Variants in MZF1 observed in about 807,000 individuals in gnomAD.
MZF1 encodes zinc finger and SCAN domain-containing protein 6.
MZF1 carries 24 observed loss-of-function variants against 28.6 expected under a neutral mutation model. The ratio of observed to expected loss-of-function variants is 0.84; its 90% confidence interval spans 0.61 to 1.18. The LOEUF (loss-of-function observed/expected upper bound fraction) is 1.18. MZF1 is among the 50% of genes most tolerant of loss of function. The pLI is 0.00. For synonymous variants in MZF1, 516 were observed against 432.5 expected (o/e 1.19, Z -2.40); for missense variants, 1,166 against 1,026.4 (o/e 1.14, Z -1.86).
At chr19:58,566,058 G>C (rs1468768917) in intron 5 of MZF1, among the ~76,000 whole-genome samples, 1 of 148,558 alleles carries the variant, frequency 6.7e-6, no homozygotes. Flanking sequence ...GGAGAATGTC[G>C]TGAACCCGGG....
intron 5 of MZF1, among the ~76,000 whole-genome samples, chr19:58,565,483 C>A (rs1309832585): frequency 6.6e-6 from 1 of 151,816 alleles, no homozygotes; most frequent in Non-Finnish European, 1.5e-5. Flanking sequence ...ACCCGCCTCG[C>A]CTTCCCAAAG....
intron 5 of MZF1, 63 bp downstream of exon 5, chr19:58,569,214 G>T: frequency 6.6e-7 from 1 of 1,510,648 alleles, no homozygotes. Flanking sequence ...CCAGGAGTGG[G>T]GTCGGCAGAG....
intron 5 of MZF1, among the ~76,000 whole-genome samples, chr19:58,565,887 T>C (rs2054044754): frequency 7.1e-6 from 1 of 141,238 alleles, no homozygotes; most frequent in Admixed American, 7.0e-5. Flanking sequence ...ACGCCTGTAA[T>C]CCCAGCACTT....
intron 5 of MZF1, chr19:58,568,060 GA>G (rs2054090139): frequency 6.6e-6 from 1 of 152,076 alleles, no homozygotes; most frequent in African/African-American, 2.4e-5. Context: ...AACATAGTGA[GA>G]ACCTGTTTCT....
chr19:58,569,081 TG>T lies in MZF1; in HGVS notation c.772+195del, dbSNP rs796418753. On this transcript the variant is annotated intron_variant, in intron 5 of 5. Transcript: ENST00000215057. ...GAAAGTAGAGGGGCTGTGGGATCAG[TG>T]GTAGTGGTGGGTGGCTTTTTTTGAG... The T allele has an allele frequency of 9.2e-5, 54 of 588,526 alleles. 1 individual carries two copies. The South Asian group carries it at 1.3e-3, about 14-fold the overall frequency. The allele number at this position is 588,526 out of a possible 1,614,324, so 36.5% of individuals were successfully genotyped here.
In MZF1 at chr19:58,563,193, C is replaced by T; in HGVS notation, c.1084G>A (p.Gly362Ser). Residue 362 changes from glycine (G) to serine (S), a missense_variant, in exon 6 of 6, where the codon GGC becomes AGC. Transcript: ENST00000215057. ...VVRGGRCDVCGKVFSQRSNLL... is the reference protein window; with the variant it reads ...VVRGGRCDVCSKVFSQRSNLL... ...TTGCTGCGTTGGCTGAACACCTTGC[C>T]ACATACATCGCAACGGCCGCCCCTA... 1 of 1,611,380 alleles carries T rather than the reference C, an allele frequency of 6.2e-7. No homozygotes were observed. Among genetic ancestry groups the T allele is most frequent in the Non-Finnish European group, 8.5e-7 (1 of 1,179,664 alleles).
chr19:58,562,610 A>G lies in MZF1; in HGVS notation c.1667T>C (p.Leu556Pro). The G allele has an allele frequency of 6.3e-7, 1 of 1,577,144 alleles. No individual in the cohort carries two copies. Among genetic ancestry groups the G allele is most frequent in the Non-Finnish European group, 8.6e-7 (1 of 1,166,160 alleles). Residue 556 changes from leucine (L) to proline (P), a missense_variant, in exon 6 of 6, where the codon CTG becomes CCG. Coordinates refer to ENST00000215057, the MANE Select transcript of MZF1 (RefSeq NM_198055.2). ...CGQSFRQRSN[L>P]TQHRRIHTGE... ...GGTGTGGATGCGCCGGTGCTGCGTC[A>G]GGTTGGAGCGCTGCCGGAAGCTCTG...
intron 5 of MZF1, chr19:58,564,233 G>GA (rs1456899130): frequency 6.6e-6 from 1 of 152,090 alleles, no homozygotes; most frequent in Non-Finnish European, 1.5e-5. Context: ...AGTGGTGAGA[G>GA]AAAGTCCATA....
chr19:58,570,946 G>T, intron 2 of MZF1, 48 bp downstream of exon 2: 1 of 1,543,596 alleles, frequency 6.5e-7, no homozygotes, highest in Non-Finnish European at 8.8e-7. Flanking sequence ...GTGAGGCCGA[G>T]CTGGATGATG....
In MZF1 at chr19:58,562,929, G is replaced by A. The variant is rs767750607; in HGVS notation, c.1348C>T (p.Arg450Trp). Reference protein sequence around the residue: ...FRCAECGQSFRQRSNLLQHQR... With the variant: ...FRCAECGQSFWQRSNLLQHQR... The stretch of plus-strand genomic sequence containing the variant: ...TGCTGCAGCAGATTGGAGCGCTGCC[G>A]GAAGCTCTGGCCGCACTCAGCGCAA... The change falls in exon 6 of 6, where the codon CGG becomes TGG. Residue 450 changes from arginine (R) to tryptophan (W), a missense_variant. Transcript: ENST00000215057. The A allele has an allele frequency of 6.3e-7, 1 of 1,595,402 alleles. No individual in the cohort carries two copies. Among genetic ancestry groups the A allele is most frequent in the Non-Finnish European group, 8.5e-7 (1 of 1,175,936 alleles).
At chr19:58,565,258 C>A (rs540059179) in intron 5 of MZF1, among the ~76,000 whole-genome samples, 2 of 151,954 alleles carry the variant, frequency 1.3e-5, no homozygotes, top group African/African-American at 4.8e-5. Flanking sequence ...CCACACCCGG[C>A]TAATTTTGTA....
rs769790609 is a variant in MZF1 at position 58,562,762 on chromosome 19, C to T, written c.1515G>A (p.Ala505=). 6.5e-6 allele frequency: 10 copies of T among 1,535,438 alleles called. No homozygotes were observed. The highest frequency in any genetic ancestry group is 4.7e-5 in the South Asian group (4 of 84,362). The change falls in exon 6 of 6, where the codon GCG becomes GCA. Residue 505 remains alanine, a synonymous_variant. Coordinates refer to ENST00000215057, the MANE Select transcript of MZF1 (RefSeq NM_198055.2). The part of the protein sequence containing the change: ...ARRAVLLEHQ[A]VHTGDKSFGC... ...CAAAGGACTTGTCGCCCGTGTGTACCGCCTGGTGCTCCAGCAGCACGGCGC... is the reference window on the plus strand; with the variant it reads ...CAAAGGACTTGTCGCCCGTGTGTACTGCCTGGTGCTCCAGCAGCACGGCGC...
intron 3 of MZF1, chr19:58,570,138 A>G (rs2054130823): frequency 3.7e-5 from 20 of 545,780 alleles, no homozygotes; most frequent in Non-Finnish European, 3.2e-6. Context: ...GGGCTGTGGC[A>G]GTCAGGCTTG....
At chr19:58,567,770 C>T (rs2054085107) in intron 5 of MZF1, among the ~76,000 whole-genome samples, 1 of 152,188 alleles carries the variant, frequency 6.6e-6, no homozygotes, top group Non-Finnish European at 1.5e-5. Context: ...TGTGGTGCCC[C>T]TCTCTTGCAT....
intron 5 of MZF1, among the ~76,000 whole-genome samples, chr19:58,566,698 G>C (rs560490608): frequency 2.6e-5 from 4 of 152,046 alleles, no homozygotes; most frequent in South Asian, 2.1e-4. Flanking sequence ...TCTGAGCCAG[G>C]TGTGGTGACT....
intron 5 of MZF1, among the ~76,000 whole-genome samples, chr19:58,567,049 C>T (rs376564113): frequency 6.6e-6 from 1 of 152,050 alleles, no homozygotes; most frequent in Admixed American, 6.6e-5. Flanking sequence ...ACTACAAGTA[C>T]GTGCCACCAT....
chr19:58,564,900 G>GTTTTTTTTTTTTTTTTTTTTTTTTTT (rs1253286923), intron 5 of MZF1, among the ~76,000 whole-genome samples: 2 of 69,354 alleles, frequency 2.9e-5, no homozygotes, highest in African/African-American at 1.4e-4. Flanking sequence ...ATCCATGTGT[G>GTTTTTTTTTTTTTTTTTTTTTTTTTT]TGTTTTTTTT....
In MZF1 at chr19:58,569,559, G is replaced by C; in HGVS notation, c.608C>G (p.Ala203Gly). ...GAGGGTGGGTACAGACTCCTGGGTG[G>C]CAGCTAGAGGCCCAGACTCCAGGAA... ...SDFLESGPLA[A>G]TQESVPTLLP... The change falls in exon 4 of 6, where the codon GCC (alanine) becomes GGC (glycine). Residue 203 changes from alanine to glycine, a missense_variant. By Grantham distance (60) the Ala-to-Gly change is moderately conservative (BLOSUM62 0). Transcript: ENST00000215057. 6.2e-7 allele frequency: 1 copy of C among 1,606,782 alleles called. No homozygotes were observed.
chr19:58,570,439 G>A lies in MZF1; in HGVS notation c.485C>T (p.Thr162Ile). 1 of 1,613,958 alleles carries A rather than the reference G, an allele frequency of 6.2e-7. No individual in the cohort carries two copies. The highest frequency in any genetic ancestry group is 8.5e-7 in the Non-Finnish European group (1 of 1,179,890). ...AGGTGTCTTGGGCCCAGGCTCTGGA[G>A]TTGGAGGCTCAGTTTCAGGTAGGGG... ...FQPLPETEPP[T>I]PEPGPKTPPR... Residue 162 changes from threonine to isoleucine, a missense_variant, in exon 3 of 6, where the codon ACT becomes ATT. Transcript: ENST00000215057.
Sources: gnomAD v4.1 joint callset for allele counts (sites outside exome capture counted in the v4.1 genomes callset) on GRCh38, gnomAD v4.1.1 for gene constraint, MANE v1.5 for transcripts, NCBI Gene and HGNC (gene_info 2026-07-23, HGNC 2026-07-21) for gene names.